The following ITGB3 variants were observed in gnomAD, a reference collection of about 807,000 sequenced individuals.
ITGB3 encodes integrin beta-3.
A neutral mutation model predicts 85.8 loss-of-function variants in ITGB3; 48 were observed. The observed-to-expected ratio is 0.56, with a 90% CI of 0.44 to 0.71. The LOEUF (loss-of-function observed/expected upper bound fraction) is 0.71. Among genes scored for constraint, ITGB3 ranks in the 30% least tolerant of loss-of-function variants. The probability of loss-of-function intolerance (pLI) is 0.00; values close to 1 mark genes in which losing one functional copy is unlikely to be tolerated. For synonymous variants in ITGB3, 363 were observed against 395.6 expected (o/e 0.92, Z 0.98); for missense variants, 861 against 1,019.1 (o/e 0.84, Z 2.11).
chr17:47,284,381 A>G (rs1279214256), intron 3 of ITGB3, 62 bp from the exon 4 acceptor site: 1 of 1,607,780 alleles, frequency 6.2e-7, no homozygotes. Context: ...ACTGTATCCA[A>G]ATCTGCTTAT....
intron 10 of ITGB3, among the ~76,000 whole-genome samples, chr17:47,294,126 A>G (rs2065137528): frequency 6.6e-6 from 1 of 152,244 alleles, no homozygotes. Context: ...TATCAGAATG[A>G]TTAGGGGAGA....
chr17:47,280,653 G>A (rs535019800), intron 2 of ITGB3, among the ~76,000 whole-genome samples: 1 of 152,140 alleles, frequency 6.6e-6, no homozygotes, highest in African/African-American at 2.4e-5. Context: ...CATCGCACCC[G>A]GCCGGTTACA....
intron 13 of ITGB3, among the ~76,000 whole-genome samples, chr17:47,304,403 CAA>C (rs2065179263): frequency 6.6e-6 from 1 of 152,176 alleles, no homozygotes; most frequent in Non-Finnish European, 1.5e-5. Context: ...ACAACACTGC[CAA>C]AAGTTTTGGC....
chr17:47,299,613 G>GT lies in ITGB3; in HGVS notation c.1913+86dup. Reference sequence around the variant, plus strand: ...CTAGAATCCCCAGCTCTCCAGGTGTGTTTCTTGCTCACCAGAGCCTTAGGG... The same window carrying GT: ...CTAGAATCCCCAGCTCTCCAGGTGTGTTTTCTTGCTCACCAGAGCCTTAGGG... On this transcript the variant is annotated intron_variant, in intron 11 of 14. Coordinates refer to ENST00000559488, the MANE Select transcript of ITGB3 (RefSeq NM_000212.3). The surrounding 1 kb of genome is among the most constrained non-coding windows in gnomAD (Gnocchi z 5.1). The GT allele has an allele frequency of 3.1e-6, 4 of 1,291,034 alleles. No individual in the cohort carries two copies. The highest frequency in any genetic ancestry group is 4.4e-6 in the Non-Finnish European group (4 of 907,296). The allele number at this position is 1,291,034 out of a possible 1,614,324, so 80.0% of individuals were successfully genotyped here.
intron 12 of ITGB3, 112 bp downstream of exon 12, chr17:47,300,690 A>G: frequency 1.3e-6 from 1 of 789,086 alleles, no homozygotes; most frequent in Non-Finnish European, 2.2e-6. Context: ...CTTCTACCTC[A>G]GGGAATGTTG....
At chr17:47,265,210 A>G (rs994849999) in intron 1 of ITGB3, among the ~76,000 whole-genome samples, 1 of 152,204 alleles carries the variant, frequency 6.6e-6, no homozygotes, top group Non-Finnish European at 1.5e-5. Context: ...CTTTTTTTCA[A>G]TCATGCAAAG....
intron 2 of ITGB3, among the ~76,000 whole-genome samples, chr17:47,276,034 C>A (rs1749939959): frequency 6.6e-6 from 1 of 152,110 alleles, no homozygotes; most frequent in Non-Finnish European, 1.5e-5. Context: ...CAACTGAATG[C>A]TGGAAGAAGA....
In ITGB3 at chr17:47,297,688, C is replaced by G. The variant is rs917389202; in HGVS notation, c.1691-1620C>G. Among the ~76,000 whole-genome samples, 11 of 151,468 alleles carry G rather than the reference C, an allele frequency of 7.3e-5. No homozygotes were observed. In the East Asian group the frequency reaches 1.9e-3, roughly 27 times the overall value. On this transcript the variant is annotated intron_variant, in intron 10 of 14. Transcript: ENST00000559488. ...AAGAACTTGGCACAAGCCCACAAGC[C>G]TAGGCAATATAACAAGACTCCCATC...
chr17:47,256,479 C>A lies in ITGB3; in HGVS notation c.79+2539C>A, dbSNP rs1047807958. Among the ~76,000 whole-genome samples, 12 of 151,624 alleles carry A rather than the reference C, an allele frequency of 7.9e-5. No individual in the cohort carries two copies. In the South Asian group the frequency reaches 8.4e-4, roughly 11 times the overall value. On this transcript the variant is annotated intron_variant, in intron 1 of 14. Coordinates refer to ENST00000559488, the MANE Select transcript of ITGB3 (RefSeq NM_000212.3). ...GTCAGACTTCCAGAGTAATACCCCC[C>A]CCCCCAACCTCACAAATCAGTTTCT... is the stretch of plus-strand genomic sequence containing the variant.
At chr17:47,301,095 T>A (rs1304653970) in intron 12 of ITGB3, among the ~76,000 whole-genome samples, 3 of 152,170 alleles carry the variant, frequency 2.0e-5, no homozygotes, top group Non-Finnish European at 2.9e-5. Context: ...TCCTTCTGCC[T>A]CTCTGGGGCC....
intron 10 of ITGB3, 100 bp downstream of exon 10, chr17:47,292,668 G>A (rs2065131991): frequency 1.6e-6 from 2 of 1,239,400 alleles, no homozygotes; most frequent in Non-Finnish European, 2.3e-6. Context: ...GGTCTTTGCA[G>A]GCAGAGGTGT....
chr17:47,300,368 T>TGTGTGTGTGTGTG, intron 11 of ITGB3, 110 bp from the exon 12 acceptor site: 4 of 778,026 alleles, frequency 5.1e-6, no homozygotes, highest in Non-Finnish European at 9.0e-6. Flanking sequence ...TGTGTGTGTG[T>TGTGTGTGTGTGTG]TTTAATGGAG....
chr17:47,267,300 G>T (rs2065029047), intron 1 of ITGB3, among the ~76,000 whole-genome samples: 1 of 152,178 alleles, frequency 6.6e-6, no homozygotes, highest in Admixed American at 6.5e-5. Context: ...TGTTCTGTAA[G>T]TGACATTATG....
rs1273024948 is a variant in ITGB3 at position 47,310,767 on chromosome 17, G to C, written c.*563G>C. The stretch of plus-strand genomic sequence containing the variant: ...TCCTTTCCCCTCCCTCAGGCCGAAG[G>C]AGGAGTCAGGGAGAGCTGAACTATT... On this transcript the variant is annotated 3_prime_UTR_variant, in exon 15 of 15. Coordinates refer to ENST00000559488, the MANE Select transcript of ITGB3 (RefSeq NM_000212.3). 5.3e-6 allele frequency: 1 copy of C among 188,726 alleles called. No homozygotes were observed. The highest frequency in any genetic ancestry group is 2.3e-5 in the African/African-American group (1 of 43,382). The allele number at this position is 188,726 out of a possible 1,614,324, so 11.7% of individuals were successfully genotyped here. A position where few individuals can be genotyped will look rare whatever the true frequency, so the allele number is the denominator to read the frequency against.
intron 2 of ITGB3, among the ~76,000 whole-genome samples, chr17:47,281,561 G>A (rs909347371): frequency 4.6e-5 from 7 of 152,132 alleles, no homozygotes; most frequent in Admixed American, 6.5e-5. Context: ...CCAGGGTGGC[G>A]TGGTCCCCTT....
chr17:47,291,164 C>G (rs1259894266), intron 9 of ITGB3, 76 bp downstream of exon 9: 1 of 1,562,500 alleles, frequency 6.4e-7, no homozygotes, highest in Admixed American at 1.7e-5. Context: ...TTTGTAGTGA[C>G]TAAAAATGGC....
chr17:47,313,582 C>G lies in ITGB3; in HGVS notation c.*3378C>G, dbSNP rs1369563433. ...GCCAGGAAGGTCTCGATCTCCTGACCTCGTGATCCTCCCGCCTCGGCCTCC... is the reference window on the plus strand; with the variant it reads ...GCCAGGAAGGTCTCGATCTCCTGACGTCGTGATCCTCCCGCCTCGGCCTCC... On this transcript the variant is annotated 3_prime_UTR_variant, in exon 15 of 15. Transcript: ENST00000559488. Among the ~76,000 whole-genome samples the G allele has an allele frequency of 4.6e-5, 7 of 151,800 alleles. No individual in the cohort carries two copies. Among genetic ancestry groups the G allele is most frequent in the Non-Finnish European group, 8.8e-5 (6 of 67,950 alleles).
intron 2 of ITGB3, chr17:47,279,986 T>C (rs1416328253): frequency 1.3e-5 from 2 of 152,258 alleles, no homozygotes; most frequent in Non-Finnish European, 2.9e-5. Context: ...GCCCAAGTTC[T>C]CCCCAGGTCA....
chr17:47,293,590 G>A (rs2065135313), intron 10 of ITGB3, among the ~76,000 whole-genome samples: 1 of 151,944 alleles, frequency 6.6e-6, no homozygotes, highest in Non-Finnish European at 1.5e-5. Context: ...CCTTGACTCA[G>A]ATTGGCTTCA....
Sources: gnomAD v4.1 joint callset for allele counts (sites outside exome capture counted in the v4.1 genomes callset) on GRCh38, gnomAD v4.1.1 for gene constraint, Gnocchi (gnomAD v3.1) non-coding constraint, MANE v1.5 for transcripts, NCBI Gene and HGNC (gene_info 2026-07-23, HGNC 2026-07-21) for gene names.